The following PCDHA8 variants were observed in gnomAD, a reference collection of about 807,000 sequenced individuals.
The protein encoded by PCDHA8 is protocadherin alpha-8.
A neutral mutation model predicts 61.8 loss-of-function variants in PCDHA8; 53 were observed. That is an observed-to-expected ratio of 0.86 (90% CI 0.69 to 1.08). The LOEUF (loss-of-function observed/expected upper bound fraction) is 1.08, where lower values mean the gene tolerates loss of function less well. Among genes scored for constraint, PCDHA8 ranks in the 50% least tolerant of loss-of-function variants. The pLI is 0.00. For synonymous variants in PCDHA8, 618 were observed against 556.6 expected (o/e 1.11, Z -1.55); for missense variants, 1,293 against 1,245.0 (o/e 1.04, Z -0.58).
At chr5:140,998,687 C>T (rs922040842) in intron 3 of PCDHA8, among the ~76,000 whole-genome samples, 9 of 152,042 alleles carry the variant, frequency 5.9e-5, no homozygotes, top group Non-Finnish European at 1.5e-5. Flanking sequence ...GCCTCAGCCT[C>T]CCAAGTAGCT....
chr5:140,876,883 G>T (rs192756440), intron 1 of PCDHA8: 45 of 1,614,016 alleles, frequency 2.8e-5, no homozygotes, highest in Non-Finnish European at 3.6e-5. Context: ...CAACCCGCCG[G>T]GCTGCCACAT....
intron 1 of PCDHA8, chr5:140,848,334 A>T: frequency 2.4e-6 from 2 of 850,772 alleles, no homozygotes; most frequent in Non-Finnish European, 3.7e-6. Context: ...CTCTGAATCC[A>T]GACAAATACA....
At chr5:140,968,288 C>T (rs782056996) in intron 1 of PCDHA8, 16 of 1,613,976 alleles carry the variant, frequency 9.9e-6, no homozygotes, top group Middle Eastern at 1.6e-4. Context: ...GACCTACTCC[C>T]TTCTGGAGAG....
chr5:140,886,972 A>G (rs2061245917), intron 1 of PCDHA8, among the ~76,000 whole-genome samples: 1 of 152,122 alleles, frequency 6.6e-6, no homozygotes, highest in South Asian at 2.1e-4. Context: ...GAAATTTATT[A>G]TTTTGTAAAT....
intron 3 of PCDHA8, among the ~76,000 whole-genome samples, chr5:141,003,440 T>G (rs1194575812): frequency 6.6e-6 from 1 of 152,100 alleles, no homozygotes; most frequent in Non-Finnish European, 1.5e-5. Flanking sequence ...GCCTCCCAAG[T>G]AGATGAAATT....
In PCDHA8 at chr5:140,946,631, T is replaced by TATATATATATATATATATATAC. The variant is rs57893927; in HGVS notation, c.2395-32317_2395-32316insTATATATATATATATATATACA. 3.0e-3 allele frequency among the ~76,000 whole-genome samples: 389 copies of TATATATATATATATATATATAC among 131,774 alleles called. 27 individuals are homozygous for TATATATATATATATATATATAC. The highest frequency in any genetic ancestry group is 0.013 in the African/African-American group (369 of 28,648). 86.4% of individuals were successfully genotyped at this position (131,774 alleles called of 152,430 possible). A position where few individuals can be genotyped will look rare whatever the true frequency, so the allele number is the denominator to read the frequency against. ...TGTGAAATATATATATATATATATA[T>TATATATATATATATATATATAC]ACAATGGAATACTCATCAGCCATTA... On this transcript the variant is annotated intron_variant, in intron 1 of 3. Coordinates refer to ENST00000531613, the MANE Select transcript of PCDHA8 (RefSeq NM_018911.3).
chr5:140,877,156 G>A (rs1471783281), intron 1 of PCDHA8: 1 of 1,613,692 alleles, frequency 6.2e-7, no homozygotes, highest in Admixed American at 1.7e-5. Context: ...GAACGACAAC[G>A]CGCCGGCACT....
intron 1 of PCDHA8, chr5:140,859,976 T>C (rs2046117770): frequency 6.6e-6 from 1 of 151,980 alleles, no homozygotes; most frequent in African/African-American, 2.4e-5. Context: ...GGTATACAAG[T>C]GCATTAATCT....
chr5:140,857,262 CAT>C, intron 1 of PCDHA8: 1 of 1,598,710 alleles, frequency 6.3e-7, no homozygotes, highest in Non-Finnish European at 8.6e-7. Flanking sequence ...AATTACTACT[CAT>C]TGGTGCTGGA....
At chr5:141,000,393 CTCTATATATA>C (rs1279908183) in intron 3 of PCDHA8, among the ~76,000 whole-genome samples, 25 of 52,852 alleles carry the variant, frequency 4.7e-4, no homozygotes, top group South Asian at 8.2e-4. Flanking sequence ...CTCTCTCTCT[CTCTATATATA>C]TATATATATA....
chr5:140,969,630 A>G (rs1185557414), intron 1 of PCDHA8: 1 of 654,766 alleles, frequency 1.5e-6, no homozygotes, highest in Non-Finnish European at 2.5e-6. Flanking sequence ...GAAACAGGAC[A>G]GGCCTTGGAA....
chr5:140,851,348 A>G (rs2042033345), intron 1 of PCDHA8: 1 of 977,536 alleles, frequency 1.0e-6, no homozygotes, highest in African/African-American at 1.7e-5. Context: ...ATTTCTCTGG[A>G]TGGAGACTGT....
At chr5:140,998,405 G>C (rs144117915) in intron 3 of PCDHA8, among the ~76,000 whole-genome samples, 226 of 152,208 alleles carry the variant, frequency 1.5e-3, no homozygotes, top group African/African-American at 5.2e-3. Flanking sequence ...TTATGCCAAA[G>C]TTTATCTACC....
At chr5:140,843,816 A>T in intron 1 of PCDHA8, 101 bp downstream of exon 1, 1 of 1,230,332 alleles carries the variant, frequency 8.1e-7, no homozygotes, top group Non-Finnish European at 1.1e-6. Context: ...TTTATAGTGA[A>T]AATTTAAACA....
In PCDHA8 at chr5:140,987,224, A is replaced by AAT. The variant is rs1554248891; in HGVS notation, c.2542+4662_2542+4663insTA. Among the ~76,000 whole-genome samples, 91 of 152,046 alleles carry AAT rather than the reference A, an allele frequency of 6.0e-4. 1 individual carries two copies. Among genetic ancestry groups the AAT allele is most frequent in the African/African-American group, 2.0e-3 (84 of 41,424 alleles). ...GTGAGACTCCATCTCAAAAAAAAAA[A>AAT]AAATAATAAATAAAGAAAGAAAGAC... On this transcript the variant is annotated intron_variant, in intron 3 of 3. Coordinates refer to ENST00000531613, the MANE Select transcript of PCDHA8 (RefSeq NM_018911.3).
At chr5:140,877,926 G>T (rs1554170225) in intron 1 of PCDHA8, 1 of 1,415,760 alleles carries the variant, frequency 7.1e-7, no homozygotes, top group East Asian at 2.5e-5. Flanking sequence ...TTTTCTTTAT[G>T]ATTCTATCCT....
At chr5:141,008,837 C>T (rs1460664317) in intron 3 of PCDHA8, among the ~76,000 whole-genome samples, 10 of 152,178 alleles carry the variant, frequency 6.6e-5, no homozygotes, top group South Asian at 2.1e-4. Flanking sequence ...CATCCTCTTA[C>T]GCTGTGTATT....
intron 1 of PCDHA8, among the ~76,000 whole-genome samples, chr5:140,844,413 A>C (rs1581068328): frequency 6.7e-6 from 1 of 149,462 alleles, no homozygotes; most frequent in South Asian, 2.1e-4. Flanking sequence ...ATTTGGAGAC[A>C]TGTTTTTTAT....
intron 3 of PCDHA8, among the ~76,000 whole-genome samples, chr5:140,987,213 CA>C (rs58319157): frequency 0.029 from 3,412 of 118,662 alleles, 64 homozygotes; most frequent in African/African-American, 0.058. Flanking sequence ...GACTCCATCT[CA>C]AAAAAAAAAA....
Sources: allele counts gnomAD v4.1 joint callset (sites outside exome capture counted in the v4.1 genomes callset), GRCh38; gene constraint gnomAD v4.1.1; transcripts MANE v1.5; gene names NCBI Gene and HGNC (gene_info 2026-07-23, HGNC 2026-07-21).